Variants in CYB5RL observed in about 807,000 individuals in gnomAD.
The protein encoded by CYB5RL is NADH-cytochrome b5 reductase-like.
In CYB5RL, 38 loss-of-function variants were observed where a neutral mutation model predicts 37.5. That is an observed-to-expected ratio of 1.01 (90% CI 0.78 to 1.33). CYB5RL has a LOEUF of 1.33. CYB5RL is among the 40% of genes most tolerant of loss of function. The probability of loss-of-function intolerance (pLI) is 0.00; values close to 1 mark genes in which losing one functional copy is unlikely to be tolerated. For missense variants in CYB5RL, 388 were observed against 394.4 expected, an observed-to-expected ratio of 0.98 and a Z score of 0.14; for synonymous variants, 141 against 151.9, an observed-to-expected ratio of 0.93 and a Z score of 0.53.
chr1:54,195,230 C>T (rs1643995553), intron 3 of CYB5RL, among the ~76,000 whole-genome samples, 189 bp downstream of exon 3: 1 of 152,228 alleles, frequency 6.6e-6, no homozygotes. Context: ...TAAACTCTGC[C>T]TCAAATCACA....
In CYB5RL at chr1:54,179,249, A is replaced by G; in HGVS notation, c.644T>C (p.Leu215Pro). The change falls in exon 7 of 8, where the codon CTG becomes CCG. Residue 215 changes from leucine to proline, a missense_variant. Leu to Pro is a moderately conservative substitution (Grantham distance 98). Transcript: ENST00000534324. The stretch of plus-strand genomic sequence containing the variant: ...CTCAAAGGTCTTGAAGCAACCGACC[A>G]GAGTGACAAAAGTCTCGTCATTCTC... ...DNENDETFVT[L>P]VGCFKTFESI... 6.2e-7 allele frequency: 1 copy of G among 1,613,882 alleles called. No individual in the cohort carries two copies. The highest frequency in any genetic ancestry group is 8.5e-7 in the Non-Finnish European group (1 of 1,179,862).
At position 54,196,502 on chromosome 1, in the gene CYB5RL, T is replaced by G. The variant is rs1368647078; in HGVS notation, c.-222-11A>C. The G allele has an allele frequency of 1.3e-5, 2 of 152,174 alleles. No individual in the cohort carries two copies. The highest frequency in any genetic ancestry group is 1.5e-5 in the Non-Finnish European group (1 of 68,030). 9.4% of individuals were successfully genotyped at this position (152,174 alleles called of 1,614,324 possible). A position where few individuals can be genotyped will look rare whatever the true frequency, so the allele number is the denominator to read the frequency against. ...CCACCATGTCTGGCCCTAAAATGTT[T>G]TAAATGATAAAGTAAAATATATACC... On this transcript the variant is annotated splice_polypyrimidine_tract_variant and intron_variant, in intron 1 of 7. Coordinates refer to ENST00000534324, the MANE Select transcript of CYB5RL (RefSeq NM_001031672.4).
At position 54,173,809 on chromosome 1, in the gene CYB5RL, C is replaced by T. The variant is rs924623398; in HGVS notation, c.*810G>A. 3.3e-5 allele frequency: 5 copies of T among 152,594 alleles called. No homozygotes were observed. The highest frequency in any genetic ancestry group is 1.2e-4 in the African/African-American group (5 of 41,422). 9.5% of individuals were successfully genotyped at this position (152,594 alleles called of 1,614,324 possible). A position where few individuals can be genotyped will look rare whatever the true frequency, so the allele number is the denominator to read the frequency against. ...GGGTGGGTGGACCGTGATCGGCAGCCGCTCAGTGGGACAAGCTGGGAGAGG... is the reference window on the plus strand; with the variant it reads ...GGGTGGGTGGACCGTGATCGGCAGCTGCTCAGTGGGACAAGCTGGGAGAGG... On this transcript the variant is annotated 3_prime_UTR_variant, in exon 8 of 8. Transcript: ENST00000534324.
In CYB5RL at chr1:54,170,042, C is replaced by T. The variant is rs184471417; in HGVS notation, c.*4577G>A. 8 of 152,314 alleles carry T rather than the reference C, an allele frequency of 5.3e-5. No individual in the cohort carries two copies. In the East Asian group the frequency reaches 1.3e-3, roughly 26 times the overall value. The allele number at this position is 152,314 out of a possible 1,614,324, so 9.4% of individuals were successfully genotyped here. ...TATTGGTACATGCGGATGGAGTTCA[C>T]TTTAATTGCTGTATCTACAGGCAGT... On this transcript the variant is annotated 3_prime_UTR_variant, in exon 8 of 8. Coordinates refer to ENST00000534324, the MANE Select transcript of CYB5RL (RefSeq NM_001031672.4).
chr1:54,184,767 T>C (rs1437959349), intron 5 of CYB5RL: 1 of 152,522 alleles, frequency 6.6e-6, no homozygotes, highest in Non-Finnish European at 1.5e-5. Flanking sequence ...AATCCATATT[T>C]TTATTTAAAA....
chr1:54,172,193 G>A lies in CYB5RL; in HGVS notation c.*2426C>T, dbSNP rs1464160988. On this transcript the variant is annotated 3_prime_UTR_variant, in exon 8 of 8. Coordinates refer to ENST00000534324, the MANE Select transcript of CYB5RL (RefSeq NM_001031672.4). Reference sequence around the variant, plus strand: ...TTTATTATTATTATTTTGAGACAGGGTCTTGCTCTGTCACACAGATTGGAG... The same window carrying A: ...TTTATTATTATTATTTTGAGACAGGATCTTGCTCTGTCACACAGATTGGAG... 6.6e-6 allele frequency: 1 copy of A among 152,112 alleles called. No individual in the cohort carries two copies. Among genetic ancestry groups the A allele is most frequent in the African/African-American group, 2.4e-5 (1 of 41,356 alleles). 9.4% of individuals were successfully genotyped at this position (152,112 alleles called of 1,614,324 possible).
chr1:54,182,841 C>T (rs1178188686), intron 6 of CYB5RL, among the ~76,000 whole-genome samples: 2 of 152,274 alleles, frequency 1.3e-5, no homozygotes, highest in Admixed American at 6.5e-5. Flanking sequence ...GCGTGAGCCA[C>T]TGCGCCCAGC....
intron 6 of CYB5RL, among the ~76,000 whole-genome samples, chr1:54,183,332 T>C (rs1402604841): frequency 6.6e-6 from 1 of 152,214 alleles, no homozygotes; most frequent in African/African-American, 2.4e-5. Context: ...ATTCATTCTA[T>C]AGGACGGACT....
chr1:54,181,562 T>G (rs751914017), intron 6 of CYB5RL, among the ~76,000 whole-genome samples: 3 of 152,156 alleles, frequency 2.0e-5, no homozygotes, highest in African/African-American at 4.8e-5. Context: ...CCTCGTGTGG[T>G]GAAACCAAGG....
rs1362114047 is a variant in CYB5RL at position 54,172,475 on chromosome 1, A to G, written c.*2144T>C. On this transcript the variant is annotated 3_prime_UTR_variant, in exon 8 of 8. Coordinates refer to ENST00000534324, the MANE Select transcript of CYB5RL (RefSeq NM_001031672.4). Reference sequence around the variant, plus strand: ...CAGGCATGAGCCACCGTGTCCGGCAACACTCTTAATATGAGTGACTTCAAA... The same window carrying G: ...CAGGCATGAGCCACCGTGTCCGGCAGCACTCTTAATATGAGTGACTTCAAA... 1 of 151,664 alleles carries G rather than the reference A, an allele frequency of 6.6e-6. No individual in the cohort carries two copies. Among genetic ancestry groups the G allele is most frequent in the African/African-American group, 2.4e-5 (1 of 41,244 alleles). 9.4% of individuals were successfully genotyped at this position (151,664 alleles called of 1,614,324 possible).
chr1:54,177,499 C>T (rs1660049541), intron 7 of CYB5RL, among the ~76,000 whole-genome samples: 4 of 152,180 alleles, frequency 2.6e-5, no homozygotes, highest in East Asian at 3.9e-4. Context: ...ACTGGCATCC[C>T]GAACATCCTC....
At chr1:54,185,887 G>A (rs1429109004) in intron 5 of CYB5RL, 1 of 152,448 alleles carries the variant, frequency 6.6e-6, no homozygotes, top group Admixed American at 6.5e-5. Context: ...GAATCATGGG[G>A]GCAGGTCTTT....
intron 7 of CYB5RL, among the ~76,000 whole-genome samples, chr1:54,176,204 C>T (rs111689378): frequency 0.017 from 2,637 of 152,220 alleles, 32 homozygotes; most frequent in Non-Finnish European, 0.029. Context: ...TGGGAGAGGC[C>T]CTGTGAGGAG....
At position 54,187,678 on chromosome 1, in the gene CYB5RL, C is replaced by G; in HGVS notation, c.409G>C (p.Glu137Gln). ...TTAATTAACACTTCAAAGTATCCTT[C>G]TGCGTTGGCAGGGCTGATGGGCGTA... is the stretch of plus-strand genomic sequence containing the variant. ...AYTPISPANA[E>Q]GYFEVLIKCY... Residue 137 changes from glutamate to glutamine, a missense_variant, in exon 5 of 8, where the codon GAA becomes CAA. Coordinates refer to ENST00000534324, the MANE Select transcript of CYB5RL (RefSeq NM_001031672.4). The G allele has an allele frequency of 6.2e-7, 1 of 1,614,012 alleles. No homozygotes were observed.
Position 54,171,342 on chromosome 1 carries a change from T to A in CYB5RL, c.*3277A>T, listed in dbSNP as rs1002027670. 2.2e-6 allele frequency: 1 copy of A among 456,300 alleles called. No individual in the cohort carries two copies. The highest frequency in any genetic ancestry group is 7.0e-5 in the East Asian group (1 of 14,366). 28.3% of individuals were successfully genotyped at this position (456,300 alleles called of 1,614,324 possible). A position where few individuals can be genotyped will look rare whatever the true frequency, so the allele number is the denominator to read the frequency against. On this transcript the variant is annotated 3_prime_UTR_variant, in exon 8 of 8. Transcript: ENST00000534324. ...GAGAGGTGGCAGAGCAGAGAGGCCC[T>A]ACCCCAAGGCCACAGGGAGACAGGG...
chr1:54,195,354 C>T lies in CYB5RL; in HGVS notation c.198+65G>A, dbSNP rs369081335. On this transcript the variant is annotated intron_variant, in intron 3 of 7. Transcript: ENST00000534324. ...TCAGGGAAGGCTTCCTAGAGGTGTG[C>T]TTTGCAGGGCCAAGGCAAGTAGATT... The T allele has an allele frequency of 6.3e-5, 92 of 1,461,674 alleles. No homozygotes were observed. In the East Asian group the frequency reaches 2.1e-3, roughly 34 times the overall value. The allele number at this position is 1,461,674 out of a possible 1,614,324, so 90.5% of individuals were successfully genotyped here.
intron 3 of CYB5RL, among the ~76,000 whole-genome samples, chr1:54,192,602 A>C (rs1265441296): frequency 1.3e-5 from 2 of 152,206 alleles, no homozygotes; most frequent in African/African-American, 4.8e-5. Context: ...TCATCCCATG[A>C]AATTCTCATA....
intron 6 of CYB5RL, among the ~76,000 whole-genome samples, chr1:54,183,209 C>A (rs1018268408): frequency 6.6e-6 from 1 of 152,134 alleles, no homozygotes; most frequent in Admixed American, 6.5e-5. Flanking sequence ...TATCAAGTAC[C>A]TGTAGCCCGG....
At chr1:54,188,762 G>C (rs1340036035) in intron 4 of CYB5RL, among the ~76,000 whole-genome samples, 1 of 152,192 alleles carries the variant, frequency 6.6e-6, no homozygotes, top group Non-Finnish European at 1.5e-5. Context: ...CTTCCCAGAA[G>C]CTTCCCTAAG....
Sources: allele counts gnomAD v4.1 joint callset (sites outside exome capture counted in the v4.1 genomes callset), GRCh38; gene constraint gnomAD v4.1.1; transcripts MANE v1.5; gene names NCBI Gene and HGNC (gene_info 2026-07-23, HGNC 2026-07-21).